MITF: variants seen among roughly 807,000 people sequenced by gnomAD.
MITF encodes melanocyte inducing transcription factor.
A neutral mutation model predicts 60.5 loss-of-function variants in MITF; 17 were observed. The observed-to-expected ratio is 0.28, with a 90% CI of 0.19 to 0.42. The LOEUF is 0.42. MITF is among the 10% of genes least tolerant of loss of function. The pLI, the probability that MITF is intolerant of heterozygous loss-of-function variation, is 1.00. For missense variants in MITF, 622 were observed against 683.5 expected (o/e 0.91, Z 1.00); for synonymous variants, 260 against 248.5 (o/e 1.05, Z -0.43).
At chr3:69,926,699 A>G (rs2065598894) in intron 2 of MITF, among the ~76,000 whole-genome samples, 1 of 152,222 alleles carries the variant, frequency 6.6e-6, no homozygotes, top group South Asian at 2.1e-4. Flanking sequence ...ACAATGGGCC[A>G]TTATAAAGGC....
At position 69,886,654 on chromosome 3, in the gene MITF, T is replaced by C. The variant is rs940707545; in HGVS notation, c.354+7271T>C. Among the ~76,000 whole-genome samples, 6 of 152,230 alleles carry C rather than the reference T, an allele frequency of 3.9e-5. No homozygotes were observed. In the South Asian group the frequency reaches 1.2e-3, roughly 32 times the overall value. On this transcript the variant is annotated intron_variant, in intron 2 of 9. Coordinates refer to ENST00000352241, the MANE Select transcript of MITF (RefSeq NM_001354604.2). ...ACATGAGCTTAAGCATTTGAATTAG[T>C]AAGGGGCTTCCCTATTGAATAGTTA...
At chr3:69,860,884 G>T (rs577406535) in intron 1 of MITF, among the ~76,000 whole-genome samples, 162 of 152,270 alleles carry the variant, frequency 1.1e-3, no homozygotes, top group African/African-American at 3.7e-3. Flanking sequence ...AGAGGATGCT[G>T]TAATATCACT....
At chr3:69,896,540 C>A (rs1421071126) in intron 2 of MITF, among the ~76,000 whole-genome samples, 1 of 152,216 alleles carries the variant, frequency 6.6e-6, no homozygotes, top group Non-Finnish European at 1.5e-5. Context: ...ATTTAACCAG[C>A]TGATGCTGAA....
At chr3:69,858,617 T>C (rs2063959919) in intron 1 of MITF, among the ~76,000 whole-genome samples, 1 of 152,180 alleles carries the variant, frequency 6.6e-6, no homozygotes, top group African/African-American at 2.4e-5. Flanking sequence ...ATTTGGTTTG[T>C]AGCTAAGACA....
At chr3:69,939,254 T>A in intron 4 of MITF, 73 bp downstream of exon 4, 2 of 1,359,234 alleles carry the variant, frequency 1.5e-6, no homozygotes, top group Non-Finnish European at 2.1e-6. Context: ...GATCACACCT[T>A]CCTGAAAACT....
intron 1 of MITF, among the ~76,000 whole-genome samples, chr3:69,872,774 A>C (rs1029027896): frequency 1.3e-5 from 2 of 152,156 alleles, no homozygotes; most frequent in African/African-American, 4.8e-5. Flanking sequence ...TTTAGCAGCG[A>C]ATTGAGGTCT....
At chr3:69,739,966 C>G (rs1480552362) in intron 1 of MITF, among the ~76,000 whole-genome samples, 2 of 151,848 alleles carry the variant, frequency 1.3e-5, no homozygotes, top group African/African-American at 2.4e-5. Context: ...GACCCTCGGC[C>G]GAGGATGCCA....
intron 2 of MITF, among the ~76,000 whole-genome samples, chr3:69,880,199 A>G (rs1380264924): frequency 6.6e-6 from 1 of 152,158 alleles, no homozygotes; most frequent in Non-Finnish European, 1.5e-5. Flanking sequence ...CTCAAGTGTT[A>G]CTGTTCATTA....
chr3:69,936,589 T>C, intron 2 of MITF: 1 of 1,528,704 alleles, frequency 6.5e-7, no homozygotes, highest in Non-Finnish European at 8.8e-7. Flanking sequence ...TGATAAAGTT[T>C]CCGGTGGTGT....
chr3:69,854,211 T>C (rs2063876529), intron 1 of MITF, among the ~76,000 whole-genome samples: 1 of 152,118 alleles, frequency 6.6e-6, no homozygotes, highest in Admixed American at 6.5e-5. Context: ...GCATATGTGA[T>C]AGACTGAAGT....
chr3:69,849,436 T>C (rs9310176), intron 1 of MITF, among the ~76,000 whole-genome samples: 74,813 of 152,016 alleles, frequency 0.49, 20,138 homozygotes, highest in Non-Finnish European at 0.63. Flanking sequence ...TAATGTTTAT[T>C]ATAGTGGCTG....
intron 1 of MITF, chr3:69,866,339 T>C: frequency 1.2e-6 from 2 of 1,613,826 alleles, no homozygotes; most frequent in Non-Finnish European, 1.7e-6. Context: ...CTTTGAAAGC[T>C]TGTATCTGTA....
intron 1 of MITF, among the ~76,000 whole-genome samples, chr3:69,746,647 A>G (rs976550109): frequency 6.6e-6 from 1 of 152,206 alleles, no homozygotes; most frequent in Admixed American, 6.5e-5. Context: ...TCATGAAGAC[A>G]GGTCAAAGAT....
chr3:69,887,748 G>A (rs536039771), intron 2 of MITF, among the ~76,000 whole-genome samples: 1 of 152,024 alleles, frequency 6.6e-6, no homozygotes, highest in Admixed American at 6.6e-5. Context: ...TCTACCAGCT[G>A]TCTCTGGAGT....
chr3:69,795,001 C>T (rs190620334), intron 1 of MITF, among the ~76,000 whole-genome samples: 1 of 152,226 alleles, frequency 6.6e-6, no homozygotes, highest in African/African-American at 2.4e-5. Flanking sequence ...AATCTTTCTA[C>T]TCATTATGGT....
rs142347719 is a variant in MITF, at chr3:69,835,015, C to CTTTTT, written c.105-44100_105-44096dup. On this transcript the variant is annotated intron_variant, in intron 1 of 9. Coordinates refer to ENST00000352241, the MANE Select transcript of MITF (RefSeq NM_001354604.2). ...GTGTCTATTAAGCTTGCTCTTTTAC[C>CTTTTT]TTTTTTTTTTTTTTTTTTTTTTTGG... 3.1e-4 allele frequency among the ~76,000 whole-genome samples: 21 copies of CTTTTT among 68,532 alleles called. 1 individual carries two copies. Among genetic ancestry groups the CTTTTT allele is most frequent in the Non-Finnish European group, 4.0e-4 (15 of 37,132 alleles). 45.0% of individuals were successfully genotyped at this position (68,532 alleles called of 152,430 possible).
intron 1 of MITF, among the ~76,000 whole-genome samples, chr3:69,807,489 A>G (rs1455338834): frequency 1.3e-5 from 2 of 152,250 alleles, no homozygotes; most frequent in Non-Finnish European, 2.9e-5. Flanking sequence ...CAATTGTGGA[A>G]CAAAGACCTT....
chr3:69,940,196 C>T (rs2065937277), intron 4 of MITF, among the ~76,000 whole-genome samples: 1 of 152,174 alleles, frequency 6.6e-6, no homozygotes, highest in Non-Finnish European at 1.5e-5. Flanking sequence ...AGATTGGAGG[C>T]TTTGCCCTAA....
chr3:69,874,657 G>A (rs953787470), intron 1 of MITF, among the ~76,000 whole-genome samples: 1 of 152,170 alleles, frequency 6.6e-6, no homozygotes, highest in Non-Finnish European at 1.5e-5. Context: ...TTGCTTTAGC[G>A]TCTCTAGGTT....
Sources: gnomAD v4.1 joint callset for allele counts (sites outside exome capture counted in the v4.1 genomes callset) on GRCh38, gnomAD v4.1.1 for gene constraint, MANE v1.5 for transcripts, NCBI Gene and HGNC (gene_info 2026-07-23, HGNC 2026-07-21) for gene names.